The following TBC1D22A variants were observed in gnomAD, a reference collection of about 807,000 sequenced individuals.
TBC1D22A encodes the protein putative GTPase activator.
In TBC1D22A, 38 loss-of-function variants were observed where a neutral mutation model predicts 60.2. The observed-to-expected ratio is 0.63, with a 90% CI of 0.49 to 0.83. TBC1D22A has a LOEUF of 0.83. Among genes scored for constraint, TBC1D22A ranks in the 40% least tolerant of loss-of-function variants. The pLI is 0.00. For synonymous variants in TBC1D22A, 302 were observed against 281.7 expected, an observed-to-expected ratio of 1.07 and a Z score of -0.72; for missense variants, 628 against 701.0, an observed-to-expected ratio of 0.90 and a Z score of 1.18.
In TBC1D22A at chr22:47,003,767, TGCCTATACACACAC is replaced by T. The variant is rs1268621572; in HGVS notation, c.1201+6059_1201+6072del. Among the ~76,000 whole-genome samples, 5 of 103,168 alleles carry T rather than the reference TGCCTATACACACAC, an allele frequency of 4.8e-5. No homozygotes were observed. In the Admixed American group the frequency reaches 5.4e-4, roughly 11 times the overall value. The allele number at this position is 103,168 out of a possible 152,430, so 67.7% of individuals were successfully genotyped here. ...TGTACACACACACCGTACACACACATGCCTATACACACACACCCTACACACACATGCCTGTACAC... is the reference window on the plus strand; with the variant it reads ...TGTACACACACACCGTACACACACATACCCTACACACACATGCCTGTACAC... On this transcript the variant is annotated intron_variant, in intron 10 of 12. Transcript: ENST00000337137.
At chr22:46,870,796 G>A (rs1405955773) in intron 4 of TBC1D22A, among the ~76,000 whole-genome samples, 3 of 152,170 alleles carry the variant, frequency 2.0e-5, no homozygotes, top group African/African-American at 7.2e-5. Flanking sequence ...GAGCAGAAGA[G>A]GGCAAATCTA....
At chr22:47,134,588 T>G (rs1421850571) in intron 12 of TBC1D22A, among the ~76,000 whole-genome samples, 4 of 152,178 alleles carry the variant, frequency 2.6e-5, no homozygotes. Flanking sequence ...ATGTAAACCT[T>G]GGGTGTAAAA....
intron 11 of TBC1D22A, among the ~76,000 whole-genome samples, chr22:47,089,798 G>T (rs980719193): frequency 6.6e-6 from 1 of 152,218 alleles, no homozygotes; most frequent in African/African-American, 2.4e-5. Flanking sequence ...TTGGGTGAAT[G>T]TGGATTCTTT....
At position 46,777,259 on chromosome 22, in the gene TBC1D22A, G is replaced by GC. The variant is rs11370554; in HGVS notation, c.62+14413dup. 0.5 allele frequency among the ~76,000 whole-genome samples: 76,635 copies of GC among 151,882 alleles called. 19,816 individuals carry two copies. Among genetic ancestry groups the GC allele is most frequent in the Middle Eastern group, 0.66 (193 of 294 alleles). On this transcript the variant is annotated intron_variant, in intron 1 of 12. Coordinates refer to ENST00000337137, the MANE Select transcript of TBC1D22A (RefSeq NM_014346.5). This position sits in a 1 kb window ranked among gnomAD's most constrained non-coding sequence, Gnocchi z 4.5. ...GAGGGTTTTCGATGCCAGGACATGGGCCAGTGAGAGCCAGGGGCCGCCAGA... is the reference window on the plus strand; with the variant it reads ...GAGGGTTTTCGATGCCAGGACATGGGCCCAGTGAGAGCCAGGGGCCGCCAGA...
intron 11 of TBC1D22A, among the ~76,000 whole-genome samples, chr22:47,055,930 C>CCACTGAGGGTTGGTGAGATACGT (rs2063380683): frequency 4.6e-5 from 7 of 152,150 alleles, no homozygotes; most frequent in African/African-American, 1.7e-4. Context: ...GTGAGATACG[C>CCACTGAGGGTTGGTGAGATACGT]CATTGAGGGT....
intron 10 of TBC1D22A, among the ~76,000 whole-genome samples, chr22:46,999,347 A>AT (rs2075232105): frequency 6.6e-6 from 1 of 152,164 alleles, no homozygotes; most frequent in Non-Finnish European, 1.5e-5. Context: ...TCATATGGCA[A>AT]TTTTTTGTTT....
chr22:46,834,277 T>TC (rs1041791590), intron 4 of TBC1D22A, among the ~76,000 whole-genome samples: 7 of 151,674 alleles, frequency 4.6e-5, no homozygotes, highest in South Asian at 2.1e-4. Flanking sequence ...TCAGCCCTCA[T>TC]CCCCCCCAGC....
intron 12 of TBC1D22A, among the ~76,000 whole-genome samples, chr22:47,160,138 C>T (rs1170683350): frequency 4.6e-5 from 7 of 152,250 alleles, no homozygotes; most frequent in East Asian, 1.9e-4. Flanking sequence ...GTTTCCCCGC[C>T]GCTCCTTCTC....
chr22:47,070,659 T>C (rs2063951710), intron 11 of TBC1D22A, among the ~76,000 whole-genome samples: 3 of 142,216 alleles, frequency 2.1e-5, no homozygotes, highest in African/African-American at 7.9e-5. Context: ...GGTTCCAGGC[T>C]GTTCCCTGTT....
intron 8 of TBC1D22A, among the ~76,000 whole-genome samples, chr22:46,935,363 A>T (rs1375220978): frequency 1.3e-5 from 2 of 152,212 alleles, no homozygotes; most frequent in Non-Finnish European, 2.9e-5. Flanking sequence ...TCTTGTTAAA[A>T]AGTGAGTCAA....
chr22:47,063,855 C>T (rs1461478546), intron 11 of TBC1D22A, among the ~76,000 whole-genome samples: 3 of 152,218 alleles, frequency 2.0e-5, no homozygotes, highest in Admixed American at 6.5e-5. Flanking sequence ...TTGCCTCTGT[C>T]GCTACGTAGC....
intron 7 of TBC1D22A, among the ~76,000 whole-genome samples, chr22:46,898,978 TCCAGGTC>T (rs1165907071): frequency 1.3e-5 from 2 of 152,262 alleles, no homozygotes; most frequent in African/African-American, 4.8e-5. Context: ...GCTGATCCTC[TCCAGGTC>T]CCAGTTCAGC....
chr22:46,946,739 G>A (rs1461071479), intron 8 of TBC1D22A, among the ~76,000 whole-genome samples: 1 of 152,222 alleles, frequency 6.6e-6, no homozygotes, highest in Non-Finnish European at 1.5e-5. Context: ...GTTGCAGCAA[G>A]TCTGTGCTAC....
intron 8 of TBC1D22A, among the ~76,000 whole-genome samples, chr22:46,921,855 T>G (rs2070779013): frequency 6.6e-6 from 1 of 152,160 alleles, no homozygotes; most frequent in Admixed American, 6.5e-5. Context: ...GTTTACTCTG[T>G]TGATAGTTTC....
At chr22:47,003,266 G>C (rs2061454482) in intron 10 of TBC1D22A, among the ~76,000 whole-genome samples, 1 of 152,002 alleles carries the variant, frequency 6.6e-6, no homozygotes, top group Non-Finnish European at 1.5e-5. Flanking sequence ...GTTCTGAGTG[G>C]GGTGAAGTGG....
At chr22:47,063,425 G>A (rs1003243769) in intron 11 of TBC1D22A, among the ~76,000 whole-genome samples, 13 of 152,150 alleles carry the variant, frequency 8.5e-5, no homozygotes, top group East Asian at 1.9e-4. Context: ...GGGAGGCCTC[G>A]TCTGGGTGAT....
intron 4 of TBC1D22A, among the ~76,000 whole-genome samples, chr22:46,841,857 A>G (rs2086787260): frequency 2.6e-5 from 4 of 152,258 alleles, no homozygotes; most frequent in Admixed American, 6.5e-5. Context: ...CACGCACACA[A>G]GGTAACTGTA....
intron 1 of TBC1D22A, among the ~76,000 whole-genome samples, chr22:46,788,597 A>T (rs902099922): frequency 6.6e-6 from 1 of 152,160 alleles, no homozygotes; most frequent in East Asian, 1.9e-4. Flanking sequence ...GGTTCATGCC[A>T]CAGGGCGTCT....
chr22:46,836,881 G>GGGTGCAGT (rs1331699803), intron 4 of TBC1D22A, among the ~76,000 whole-genome samples: 1 of 152,088 alleles, frequency 6.6e-6, no homozygotes, highest in Non-Finnish European at 1.5e-5. Context: ...ACAAGAGGTT[G>GGGTGCAGT]GGTGCAGTGG....
Sources: allele counts gnomAD v4.1 joint callset (sites outside exome capture counted in the v4.1 genomes callset), GRCh38; gene constraint gnomAD v4.1.1; non-coding constraint Gnocchi (gnomAD v3.1); transcripts MANE v1.5; gene names NCBI Gene and HGNC (gene_info 2026-07-23, HGNC 2026-07-21).